The following MMP28 variants were observed in gnomAD, a reference collection of about 807,000 sequenced individuals.
The protein encoded by MMP28 is matrix metallopeptidase 28, also known as matrix metalloproteinase-28.
MMP28 carries 55 observed loss-of-function variants against 60.5 expected under a neutral mutation model. The observed-to-expected ratio is 0.91, with a 90% CI of 0.73 to 1.14. MMP28 has a LOEUF of 1.14. Among genes scored for constraint, MMP28 ranks in the 50% most tolerant of loss-of-function variants. The pLI, the probability that MMP28 is intolerant of heterozygous loss-of-function variation, is 0.00. For synonymous variants in MMP28, 318 were observed against 312.5 expected, an observed-to-expected ratio of 1.02 and a Z score of -0.18; for missense variants, 686 against 738.3, an observed-to-expected ratio of 0.93 and a Z score of 0.82.
At chr17:35,760,856 G>A (rs1555601358) in intron 2 of MMP28, 3 of 1,533,386 alleles carry the variant, frequency 2.0e-6, no homozygotes, top group Non-Finnish European at 1.8e-6. Flanking sequence ...AGAGGCCCTA[G>A]ACATGAGACA....
At chr17:35,792,767 T>C (rs1305324491) in intron 1 of MMP28, among the ~76,000 whole-genome samples, 1 of 152,202 alleles carries the variant, frequency 6.6e-6, no homozygotes, top group Non-Finnish European at 1.5e-5. Flanking sequence ...AAAGTAATGA[T>C]AAAGGTAATA....
At position 35,766,813 on chromosome 17, in the gene MMP28, T is replaced by C. The variant is rs1555603534; in HGVS notation, c.1250A>G (p.His417Arg). ...QLCRAGGLPR[H>R]PDAALFFPPL... The stretch of plus-strand genomic sequence containing the variant: ...AGGGAAGAAGAGGGCGGCGTCAGGA[T>C]GGCGGGGCAGGCCCCCTGCCCGGCA... The change falls in exon 8 of 8, where the codon CAT becomes CGT. Residue 417 changes from histidine (H) to arginine (R), a missense_variant. His to Arg is a conservative substitution (Grantham distance 29). Transcript: ENST00000605424. This position sits in a 1 kb window ranked among gnomAD's most constrained non-coding sequence, Gnocchi z 4.3. The C allele has an allele frequency of 1.3e-6, 2 of 1,573,888 alleles. No homozygotes were observed. Among genetic ancestry groups the C allele is most frequent in the African/African-American group, 1.3e-5 (1 of 74,250 alleles).
At chr17:35,761,727 GTCCCTCTACAAGAA>G (rs1482934384), downstream of MMP28, among the ~76,000 whole-genome samples, 1 of 152,178 alleles carries the variant, frequency 6.6e-6, no homozygotes, top group African/African-American at 2.4e-5. Context: ...CTTGGAACAC[GTCCCTCTACAAGAA>G]TGTTCAGCGG....
intron 1 of MMP28, among the ~76,000 whole-genome samples, chr17:35,784,374 A>G (rs984077832): frequency 1.3e-5 from 2 of 152,092 alleles, no homozygotes; most frequent in Non-Finnish European, 2.9e-5. Context: ...TGTATATTCA[A>G]AAAAATTTAA....
chr17:35,765,334 T>C (rs1490827379), downstream of MMP28, among the ~76,000 whole-genome samples: 1 of 152,076 alleles, frequency 6.6e-6, no homozygotes, highest in Non-Finnish European at 1.5e-5. Flanking sequence ...CCTGGCTTGC[T>C]GAGGTCAGTG....
At chr17:35,782,176 C>T (rs547794929) in intron 1 of MMP28, among the ~76,000 whole-genome samples, 37 of 151,962 alleles carry the variant, frequency 2.4e-4, no homozygotes, top group Non-Finnish European at 4.3e-4. Flanking sequence ...CTCAGCCTCC[C>T]GAGTAACTGG....
downstream of MMP28, among the ~76,000 whole-genome samples, chr17:35,763,204 C>T (rs1328785144): frequency 6.6e-6 from 1 of 151,762 alleles, no homozygotes; most frequent in Middle Eastern, 3.5e-3. Context: ...GAGACCTAGG[C>T]AGGAGGGCTG....
chr17:35,786,351 C>A (rs947022180), intron 1 of MMP28, among the ~76,000 whole-genome samples: 3 of 152,168 alleles, frequency 2.0e-5, no homozygotes, highest in Non-Finnish European at 4.4e-5. Context: ...AGCCACCATG[C>A]CCAGCCAGGA....
rs777224672 is a variant in MMP28 at position 35,768,270 on chromosome 17, G to T, written c.960C>A (p.Gly320=). 2.5e-6 allele frequency: 4 copies of T among 1,612,854 alleles called. No individual in the cohort carries two copies. In the Admixed American group the frequency reaches 6.7e-5, roughly 27 times the overall value. The change falls in exon 6 of 8, where the codon GGC becomes GGA. Residue 320 remains glycine (G), a synonymous_variant. Coordinates refer to ENST00000605424, the MANE Select transcript of MMP28 (RefSeq NM_024302.5). ...CGAAGGAAGAGTGGCAGTATTTAGG[G>T]CCCTGCGTTTCAGGGCGCCTTCCTT... ...SPQGRRPETQ[G]PKYCHSSFDA...
At chr17:35,794,025 G>A (rs2086891289) in intron 1 of MMP28, among the ~76,000 whole-genome samples, 1 of 151,626 alleles carries the variant, frequency 6.6e-6, no homozygotes, top group East Asian at 2.0e-4. Flanking sequence ...TTGAACCCGG[G>A]AGGTAGAGGC....
chr17:35,766,862 G>A lies in MMP28; in HGVS notation c.1201C>T (p.Pro401Ser), dbSNP rs780170095. Reference sequence around the variant, plus strand: ...CACAGCTGTGGGAGACCCCACACTGGCTTGGGGCCCCGGAACCTCCAGCAT... The same window carrying A: ...CACAGCTGTGGGAGACCCCACACTGACTTGGGGCCCCGGAACCTCCAGCAT... ...GRCWRFRGPK[P>S]VWGLPQLCRA... The change falls in exon 8 of 8, where the codon CCA becomes TCA. Residue 401 changes from proline to serine, a missense_variant. By Grantham distance (74) the Pro-to-Ser change is moderately conservative. Coordinates refer to ENST00000605424, the MANE Select transcript of MMP28 (RefSeq NM_024302.5). This position sits in a 1 kb window ranked among gnomAD's most constrained non-coding sequence, Gnocchi z 4.3. 12 of 1,580,944 alleles carry A rather than the reference G, an allele frequency of 7.6e-6. No individual in the cohort carries two copies. In the African/African-American group the frequency reaches 1.6e-4, roughly 21 times the overall value.
At chr17:35,790,785 C>T (rs182789417) in intron 1 of MMP28, among the ~76,000 whole-genome samples, 10 of 152,144 alleles carry the variant, frequency 6.6e-5, no homozygotes, top group African/African-American at 2.4e-4. Flanking sequence ...GTCAGGAGTT[C>T]GAAACCAGCC....
rs959819178 is a variant in MMP28, at chr17:35,772,168, T to C, written c.604+1012A>G. Among the ~76,000 whole-genome samples, 7 of 152,142 alleles carry C rather than the reference T, an allele frequency of 4.6e-5. No individual in the cohort carries two copies. In the South Asian group the frequency reaches 1.4e-3, roughly 32 times the overall value. On this transcript the variant is annotated intron_variant, in intron 4 of 7. Transcript: ENST00000605424. ...TGTCTCCAGCTGTTTCAAGCATTGT[T>C]CACTCTATTCAACTCTCACTGGGAG...
rs753626039 is a variant in MMP28 at position 35,768,386 on chromosome 17, G to A, written c.851-7C>T. ...GAGCCCCCTAGGGGCTTCCCTTTGT[G>A]AGTAAGGAAATAAGAGAGAGAGAGA... On this transcript the variant is annotated splice_polypyrimidine_tract_variant and splice_region_variant and intron_variant, in intron 5 of 7. Coordinates refer to ENST00000605424, the MANE Select transcript of MMP28 (RefSeq NM_024302.5). The A allele has an allele frequency of 6.3e-7, 1 of 1,592,998 alleles. No homozygotes were observed. The highest frequency in any genetic ancestry group is 1.1e-5 in the South Asian group (1 of 89,272).
At position 35,779,040 on chromosome 17, in the gene MMP28, C is replaced by T; in HGVS notation, c.227G>A (p.Gly76Asp). 2 of 1,614,042 alleles carry T rather than the reference C, an allele frequency of 1.2e-6. No homozygotes were observed. The highest frequency in any genetic ancestry group is 1.7e-6 in the Non-Finnish European group (2 of 1,179,898). Reference protein sequence around the residue: ...FQWVSQLPVSGVLDRATLRQM... With the variant: ...FQWVSQLPVSDVLDRATLRQM... ...GCGCAGGGTGGCGCGGTCCAACACG[C>T]CGCTGACAGGTAGCTGGGACACCCA... Residue 76 changes from glycine to aspartate, a missense_variant, in exon 3 of 8, where the codon GGC (glycine) becomes GAC (aspartate). Physicochemically the swap from Gly to Asp is moderately conservative, Grantham distance 94 (BLOSUM62 -1). Coordinates refer to ENST00000605424, the MANE Select transcript of MMP28 (RefSeq NM_024302.5).
chr17:35,768,822 AAAAG>A (rs1388500904), intron 5 of MMP28, among the ~76,000 whole-genome samples: 1 of 152,206 alleles, frequency 6.6e-6, no homozygotes, highest in Non-Finnish European at 1.5e-5. Flanking sequence ...AAAGAAAAAA[AAAAG>A]AGTTGTTCCT....
downstream of MMP28, among the ~76,000 whole-genome samples, chr17:35,763,281 C>A (rs587681034): frequency 7.8e-4 from 118 of 151,602 alleles, no homozygotes; most frequent in African/African-American, 2.5e-3. Flanking sequence ...AAAAAAAAAT[C>A]TTTTTTAATT....
chr17:35,779,042 G>T lies in MMP28; in HGVS notation c.225C>A (p.Ser75Arg). 3 of 1,614,006 alleles carry T rather than the reference G, an allele frequency of 1.9e-6. No homozygotes were observed. Among genetic ancestry groups the T allele is most frequent in the Non-Finnish European group, 2.5e-6 (3 of 1,179,892 alleles). The part of the protein sequence containing the change: ...AFQWVSQLPV[S>R]GVLDRATLRQ... ...GCAGGGTGGCGCGGTCCAACACGCC[G>T]CTGACAGGTAGCTGGGACACCCACT... The change falls in exon 3 of 8, where the codon AGC becomes AGA. Residue 75 changes from serine (S) to arginine (R), a missense_variant. By Grantham distance (110) the Ser-to-Arg change is moderately radical. Transcript: ENST00000605424.
intron 1 of MMP28, among the ~76,000 whole-genome samples, chr17:35,792,203 C>T (rs979463149): frequency 1.3e-5 from 2 of 152,116 alleles, no homozygotes; most frequent in Admixed American, 6.6e-5. Flanking sequence ...GGTCTATGTT[C>T]CCTCCCCTTG....
Sources: allele counts gnomAD v4.1 joint callset (sites outside exome capture counted in the v4.1 genomes callset), GRCh38; gene constraint gnomAD v4.1.1; non-coding constraint Gnocchi (gnomAD v3.1); transcripts MANE v1.5; gene names NCBI Gene and HGNC (gene_info 2026-07-23, HGNC 2026-07-21).